Variants in C1orf159 observed in about 807,000 individuals in gnomAD.
The protein encoded by C1orf159 is chromosome 1 open reading frame 159.
A neutral mutation model predicts 25.6 loss-of-function variants in C1orf159; 19 were observed. The ratio of observed to expected loss-of-function variants is 0.74; its 90% CI spans 0.52 to 1.09. The LOEUF (loss-of-function observed/expected upper bound fraction) is 1.09. C1orf159 is among the 50% of genes least tolerant of loss of function. The pLI, the probability that C1orf159 is intolerant of heterozygous loss-of-function variation, is 0.00. For missense variants in C1orf159, 274 were observed against 290.6 expected (o/e 0.94, Z 0.42); for synonymous variants, 139 against 124.7 (o/e 1.12, Z -0.77).
At chr1:1,098,026 T>C (rs1646033303) in intron 1 of C1orf159, among the ~76,000 whole-genome samples, 1 of 152,154 alleles carries the variant, frequency 6.6e-6, no homozygotes, top group Non-Finnish European at 1.5e-5. Context: ...TATTATTCAG[T>C]TGGAAATATT....
chr1:1,102,071 CAAAAAAAAAAA>C (rs1237729417), intron 1 of C1orf159, among the ~76,000 whole-genome samples: 26 of 39,980 alleles, frequency 6.5e-4, no homozygotes, highest in Admixed American at 2.7e-3. Context: ...AACTCTGTCT[CAAAAAAAAAAA>C]AAAAAAAAAA....
chr1:1,107,045 C>A (rs1477762850), intron 1 of C1orf159, among the ~76,000 whole-genome samples: 2 of 152,224 alleles, frequency 1.3e-5, no homozygotes, highest in Non-Finnish European at 2.9e-5. Flanking sequence ...CCCCCCGCAC[C>A]CCCGCCCGTG....
In C1orf159 at chr1:1,105,743, G is replaced by GTGGTGGCA. The variant is rs1182511724; in HGVS notation, c.-136+10316_-136+10317insTGCCACCA. ...TAAAACACAAAAAAATTAGCTGGGCGGGCGCCTGTAGTCCCAGCTACTCGG... is the reference window on the plus strand; with the variant it reads ...TAAAACACAAAAAAATTAGCTGGGCGTGGTGGCAGGCGCCTGTAGTCCCAGCTACTCGG... On this transcript the variant is annotated intron_variant, in intron 1 of 9. Coordinates refer to ENST00000421241, the MANE Select transcript of C1orf159 (RefSeq NM_017891.5). Among the ~76,000 whole-genome samples, 9 of 151,866 alleles carry GTGGTGGCA rather than the reference G, an allele frequency of 5.9e-5. No homozygotes were observed. In the South Asian group the frequency reaches 1.7e-3, roughly 28 times the overall value.
chr1:1,084,561 A>G, intron 7 of C1orf159, 55 bp from the exon 8 acceptor site: 3 of 1,545,804 alleles, frequency 1.9e-6, no homozygotes, highest in Non-Finnish European at 2.6e-6. Context: ...CCTCAACCTC[A>G]GCCCAGTGCA....
intron 1 of C1orf159, among the ~76,000 whole-genome samples, chr1:1,098,756 T>G (rs997375511): frequency 1.3e-5 from 2 of 152,160 alleles, no homozygotes; most frequent in African/African-American, 4.8e-5. Flanking sequence ...GGATTACAGC[T>G]GCCCGCCACC....
intron 6 of C1orf159, among the ~76,000 whole-genome samples, chr1:1,086,640 C>A (rs769473353): frequency 2.6e-5 from 4 of 152,246 alleles, no homozygotes; most frequent in Non-Finnish European, 5.9e-5. Context: ...AGGCCAGGAG[C>A]CCATCCAGGC....
chr1:1,099,741 T>C (rs567869170), intron 1 of C1orf159, among the ~76,000 whole-genome samples: 4 of 152,322 alleles, frequency 2.6e-5, no homozygotes, highest in African/African-American at 9.6e-5. Context: ...ACTATGATTG[T>C]GGATTGTCTA....
At position 1,089,983 on chromosome 1, in the gene C1orf159, C is replaced by T. The variant is rs1158642736; in HGVS notation, c.148+370G>A. On this transcript the variant is annotated intron_variant, in intron 4 of 9. Transcript: ENST00000421241. The surrounding 1 kb of genome is among the most constrained non-coding windows in gnomAD (Gnocchi z 7.5). ...GGGGCCAGCAGCACCTCTGCCCGAG[C>T]ACGGACAGGCAAAAATGTCTTGGGC... 1.3e-5 allele frequency among the ~76,000 whole-genome samples: 2 copies of T among 152,226 alleles called. No individual in the cohort carries two copies. Among genetic ancestry groups the T allele is most frequent in the Non-Finnish European group, 2.9e-5 (2 of 68,042 alleles).
chr1:1,085,227 A>G (rs1353726630), intron 7 of C1orf159: 2 of 411,276 alleles, frequency 4.9e-6, no homozygotes, highest in South Asian at 3.4e-5. Flanking sequence ...CAGCTCGGCT[A>G]TCACAGTCTG....
chr1:1,103,838 C>T (rs1646135949), intron 1 of C1orf159, among the ~76,000 whole-genome samples: 1 of 152,178 alleles, frequency 6.6e-6, no homozygotes, highest in Admixed American at 6.5e-5. Context: ...ACCTCAGGTG[C>T]ACACCATTAC....
At chr1:1,113,451 G>C (rs1036634206) in intron 1 of C1orf159, among the ~76,000 whole-genome samples, 1 of 152,144 alleles carries the variant, frequency 6.6e-6, no homozygotes. Context: ...GGAGTGCATC[G>C]TTGCGATCTC....
At chr1:1,083,686 C>T (rs180856500) in intron 9 of C1orf159, 15 of 574,420 alleles carry the variant, frequency 2.6e-5, no homozygotes, top group African/African-American at 3.8e-5. Flanking sequence ...ACTCGGGCAC[C>T]GTGGGGTCTG....
chr1:1,087,802 C>T lies in C1orf159; in HGVS notation c.149-205G>A, dbSNP rs945250796. ...ACCCCACGCTGAGTACTCCACACTG[C>T]GCACCCTGACCCTGAGTACTCCGAC... On this transcript the variant is annotated intron_variant, in intron 4 of 9. Transcript: ENST00000421241. This position sits in a 1 kb window ranked among gnomAD's most constrained non-coding sequence, Gnocchi z 8.3. 4.0e-5 allele frequency among the ~76,000 whole-genome samples: 6 copies of T among 151,796 alleles called. No homozygotes were observed. Among genetic ancestry groups the T allele is most frequent in the African/African-American group, 7.3e-5 (3 of 41,272 alleles).
At chr1:1,085,341 T>C in intron 7 of C1orf159, 1 of 365,142 alleles carries the variant, frequency 2.7e-6, no homozygotes, top group Non-Finnish European at 5.6e-6. Context: ...CCACGGACCC[T>C]GCTCAGAACC....
Position 1,087,951 on chromosome 1 carries a change from C to T in C1orf159, c.149-354G>A, listed in dbSNP as rs937879956. Among the ~76,000 whole-genome samples, 19 of 151,180 alleles carry T rather than the reference C, an allele frequency of 1.3e-4. No homozygotes were observed. The highest frequency in any genetic ancestry group is 9.8e-4 in the East Asian group (5 of 5,120). ...ACGCTGCACTCCACGCCGAGCACCC[C>T]GGCCCTGAGCACCCCGACCCTGAGT... On this transcript the variant is annotated intron_variant, in intron 4 of 9. Transcript: ENST00000421241. This position sits in a 1 kb window ranked among gnomAD's most constrained non-coding sequence, Gnocchi z 8.3.
At chr1:1,090,245 C>T (rs769794908) in intron 4 of C1orf159, 108 bp downstream of exon 4, 279 of 1,151,540 alleles carry the variant, frequency 2.4e-4, no homozygotes, top group Admixed American at 5.1e-4. Flanking sequence ...CCCCAGGTCC[C>T]GCAGCACAGA....
Position 1,091,530 on chromosome 1 carries a change from T to C in C1orf159, c.14A>G (p.His5Arg), listed in dbSNP as rs1355968594. ...GAGAAGGCCAGCCAGGAGGGCGAGG[T>C]GCCGCAGCGCCATGCCAGGAGCAGA... MALR[H>R]LALLAGLLVG... The change falls in exon 3 of 10, where the codon CAC becomes CGC. Residue 5 changes from histidine to arginine, a missense_variant. Physicochemically the swap from His to Arg is conservative, Grantham distance 29. Transcript: ENST00000421241. 17 of 1,547,402 alleles carry C rather than the reference T, an allele frequency of 1.1e-5. No homozygotes were observed. Among genetic ancestry groups the C allele is most frequent in the Non-Finnish European group, 1.4e-5 (16 of 1,146,262 alleles).
intron 1 of C1orf159, among the ~76,000 whole-genome samples, chr1:1,097,947 C>A (rs528135411): frequency 1.1e-4 from 16 of 152,148 alleles, no homozygotes; most frequent in Non-Finnish European, 2.2e-4. Flanking sequence ...CATGCCTTTA[C>A]ACGCACTTAG....
chr1:1,092,282 C>A, intron 1 of C1orf159, 179 bp from the exon 2 acceptor site: 1 of 231,592 alleles, frequency 4.3e-6, no homozygotes, highest in South Asian at 4.3e-5. Context: ...CCCGAGCTGG[C>A]CTCCTGGCCT....
Sources: gnomAD v4.1 joint callset for allele counts (sites outside exome capture counted in the v4.1 genomes callset) on GRCh38, gnomAD v4.1.1 for gene constraint, Gnocchi (gnomAD v3.1) non-coding constraint, MANE v1.5 for transcripts, NCBI Gene and HGNC (gene_info 2026-07-23, HGNC 2026-07-21) for gene names.